Variants in RNF20 observed in about 807,000 individuals in gnomAD.
RNF20 encodes ring finger protein 20, also known as E3 ubiquitin-protein ligase BRE1A.
A neutral mutation model predicts 126.2 loss-of-function variants in RNF20; 84 were observed. The ratio of observed to expected loss-of-function variants is 0.67; its 90% confidence interval spans 0.56 to 0.80. The LOEUF (loss-of-function observed/expected upper bound fraction) is 0.80, where lower values mean the gene tolerates loss of function less well. RNF20 is among the 30% of genes least tolerant of loss of function. The pLI is 0.00. For missense variants in RNF20, 869 were observed against 1,188.2 expected, an observed-to-expected ratio of 0.73 and a Z score of 3.95; for synonymous variants, 400 against 414.3, an observed-to-expected ratio of 0.97 and a Z score of 0.42.
intron 2 of RNF20, among the ~76,000 whole-genome samples, chr9:101,539,332 G>A (rs1042908913): frequency 3.1e-4 from 47 of 152,332 alleles, no homozygotes; most frequent in Non-Finnish European, 1.5e-4. Flanking sequence ...TACAGGAATG[G>A]AATAGCCAGA....
chr9:101,547,258 T>C, intron 8 of RNF20, 44 bp downstream of exon 8: 1 of 1,607,562 alleles, frequency 6.2e-7, no homozygotes, highest in Non-Finnish European at 8.5e-7. Flanking sequence ...GTATGTCAGC[T>C]TTCATGCTTA....
intron 15 of RNF20, among the ~76,000 whole-genome samples, chr9:101,555,499 T>TG (rs1392513312): frequency 6.6e-6 from 1 of 152,036 alleles, no homozygotes; most frequent in Non-Finnish European, 1.5e-5. Flanking sequence ...TGAAAATGCT[T>TG]GAAAAAACCA....
chr9:101,535,658 G>C (rs1397040704), intron 2 of RNF20, 106 bp downstream of exon 2: 5 of 1,274,930 alleles, frequency 3.9e-6, no homozygotes, highest in Non-Finnish European at 5.4e-6. Context: ...TATTTGAAAA[G>C]AAGAGGGAAA....
intron 9 of RNF20, 39 bp from the exon 10 acceptor site, chr9:101,550,567 C>T (rs1274127969): frequency 6.3e-7 from 1 of 1,585,890 alleles, no homozygotes; most frequent in Non-Finnish European, 8.6e-7. Context: ...TGGGGCAATG[C>T]TAGATTCTGC....
At chr9:101,556,648 A>G (rs1223021005) in intron 15 of RNF20, among the ~76,000 whole-genome samples, 1 of 152,214 alleles carries the variant, frequency 6.6e-6, no homozygotes, top group Non-Finnish European at 1.5e-5. Context: ...ATAAAAGGCT[A>G]GAAAACATGA....
intron 2 of RNF20, among the ~76,000 whole-genome samples, chr9:101,537,518 A>G (rs1232574871): frequency 6.6e-6 from 1 of 151,366 alleles, no homozygotes; most frequent in East Asian, 1.9e-4. Flanking sequence ...CTAAAGCTGT[A>G]TATTTGGGAA....
intron 9 of RNF20, among the ~76,000 whole-genome samples, chr9:101,549,417 A>C (rs1827405937): frequency 6.6e-6 from 1 of 152,192 alleles, no homozygotes; most frequent in African/African-American, 2.4e-5. Context: ...TGCTACTGCT[A>C]TCTAGAAGGC....
intron 17 of RNF20, 75 bp from the exon 18 acceptor site, chr9:101,561,015 A>G: frequency 6.2e-7 from 1 of 1,600,148 alleles, no homozygotes. Context: ...TATTCCTTCA[A>G]CTTGGGCTAA....
At chr9:101,551,004 A>G (rs577475189) in intron 10 of RNF20, among the ~76,000 whole-genome samples, 3 of 152,368 alleles carry the variant, frequency 2.0e-5, no homozygotes, top group Non-Finnish European at 4.4e-5. Flanking sequence ...AATAGTATCC[A>G]TTAGAATGCA....
In RNF20 at chr9:101,561,163, T is replaced by A. The variant is rs367956800; in HGVS notation, c.2582T>A (p.Phe861Tyr). The change falls in exon 18 of 20, where the codon TTT (phenylalanine) becomes TAT (tyrosine). Residue 861 changes from phenylalanine to tyrosine, a missense_variant. By Grantham distance (22) the Phe-to-Tyr change is conservative. This residue lies in a region of RNF20 where 150 missense variants were observed against 173.7 expected (regional missense o/e 0.86). Coordinates refer to ENST00000389120, the MANE Select transcript of RNF20 (RefSeq NM_019592.7). Reference sequence around the variant, plus strand: ...TTGGCTCAGAAGAAGCTACATGATTTTCAGGATGAGATCGTGGAGAACAGT... The same window carrying A: ...TTGGCTCAGAAGAAGCTACATGATTATCAGGATGAGATCGTGGAGAACAGT... ...LELAQKKLHD[F>Y]QDEIVENSVT... The A allele has an allele frequency of 2.0e-5, 33 of 1,613,812 alleles. No homozygotes were observed. The highest frequency in any genetic ancestry group is 2.7e-5 in the Non-Finnish European group (32 of 1,179,852).
At chr9:101,540,752 A>G in intron 4 of RNF20, 41 bp from the exon 5 acceptor site, 1 of 1,594,456 alleles carries the variant, frequency 6.3e-7, no homozygotes, top group East Asian at 2.2e-5. Context: ...TTTCCAGTTT[A>G]TAATTTTGGG....
intron 2 of RNF20, among the ~76,000 whole-genome samples, chr9:101,537,305 AG>A (rs1827199655): frequency 6.6e-6 from 1 of 152,216 alleles, no homozygotes; most frequent in Non-Finnish European, 1.5e-5. Flanking sequence ...CATGAAAGAT[AG>A]GAGGGAGGAT....
chr9:101,537,217 T>C (rs1267140802), intron 2 of RNF20, among the ~76,000 whole-genome samples: 1 of 152,222 alleles, frequency 6.6e-6, no homozygotes, highest in Non-Finnish European at 1.5e-5. Flanking sequence ...TTTGCAGTAA[T>C]CTTAATGAGA....
intron 2 of RNF20, among the ~76,000 whole-genome samples, chr9:101,537,531 G>A (rs924880533): frequency 5.3e-5 from 8 of 152,114 alleles, no homozygotes; most frequent in Admixed American, 1.3e-4. Context: ...TTTGGGAATC[G>A]TCATTTTGTA....
chr9:101,535,418 G>C lies in RNF20; in HGVS notation c.-6G>C. 6.2e-7 allele frequency: 1 copy of C among 1,611,490 alleles called. No individual in the cohort carries two copies. The highest frequency in any genetic ancestry group is 1.1e-5 in the South Asian group (1 of 90,454). ...ATCAGGAAAACGACTGTCTTCTTCT[G>C]CCAAAATGTCAGGAATTGGAAATAA... On this transcript the variant is annotated 5_prime_UTR_variant, in exon 2 of 20. Coordinates refer to ENST00000389120, the MANE Select transcript of RNF20 (RefSeq NM_019592.7).
chr9:101,545,474 G>T (rs147637966), intron 6 of RNF20, among the ~76,000 whole-genome samples: 2 of 152,258 alleles, frequency 1.3e-5, no homozygotes, highest in Non-Finnish European at 2.9e-5. Context: ...TATTGCCAAA[G>T]AAACAAATTC....
intron 2 of RNF20, 112 bp downstream of exon 2, chr9:101,535,664 G>A (rs1456578985): frequency 8.2e-7 from 1 of 1,221,218 alleles, no homozygotes; most frequent in Non-Finnish European, 1.1e-6. Flanking sequence ...AAAAGAAGAG[G>A]GAAATAAAAC....
intron 2 of RNF20, among the ~76,000 whole-genome samples, chr9:101,536,138 TAA>T (rs1827180681): frequency 3.3e-5 from 5 of 152,232 alleles, no homozygotes; most frequent in African/African-American, 1.2e-4. Flanking sequence ...CATTCATAGC[TAA>T]TATTGGGCTA....
chr9:101,535,602 A>G, intron 2 of RNF20, 50 bp downstream of exon 2: 9 of 1,570,868 alleles, frequency 5.7e-6, no homozygotes, highest in Non-Finnish European at 7.8e-6. Context: ...GTCAGTTGCA[A>G]CTTGAAACTA....
Sources: gnomAD v4.1 joint callset for allele counts (sites outside exome capture counted in the v4.1 genomes callset) on GRCh38, gnomAD v4.1.1 for gene constraint, gnomAD v4.1.1 regional missense constraint, MANE v1.5 for transcripts, NCBI Gene and HGNC (gene_info 2026-07-23, HGNC 2026-07-21) for gene names.